The following SMC4 variants were observed in gnomAD, a reference collection of about 807,000 sequenced individuals.
SMC4 encodes structural maintenance of chromosomes protein 4.
In SMC4, 87 loss-of-function variants were observed where a neutral mutation model predicts 145.6. The observed-to-expected ratio is 0.60, with a 90% CI of 0.50 to 0.71. The LOEUF is 0.71. Ranked by LOEUF, SMC4 falls within the 30% of genes least tolerant of loss-of-function variation. SMC4 has a pLI of 0.00. For synonymous variants in SMC4, 558 were observed against 500.7 expected (o/e 1.11, Z -1.53); for missense variants, 1,447 against 1,537.1 (o/e 0.94, Z 0.98).
chr3:160,409,670 T>C (rs1295112745), intron 5 of SMC4, among the ~76,000 whole-genome samples: 1 of 152,198 alleles, frequency 6.6e-6, no homozygotes, highest in Non-Finnish European at 1.5e-5. Context: ...TTTTTCATTT[T>C]CTTAAAATAA....
chr3:160,411,199 T>C (rs569794940), intron 5 of SMC4, among the ~76,000 whole-genome samples: 3 of 152,356 alleles, frequency 2.0e-5, no homozygotes, highest in Admixed American at 1.3e-4. Context: ...AAAGTTGTTA[T>C]ATTAGTGATT....
Position 160,413,539 on chromosome 3 carries a change from A to G in SMC4, c.1047A>G (p.Lys349=), listed in dbSNP as rs1432471541. Residue 349 remains lysine, a synonymous_variant, in exon 8 of 24, where the codon AAA becomes AAG. Coordinates refer to ENST00000357388, the MANE Select transcript of SMC4 (RefSeq NM_001002800.3). ...AGGAAAAAATTCATGAAGATACCAA[A>G]GAAATTAATGAGAAGAGCAATATAC... ...TQKEKIHEDT[K]EINEKSNILS... 4 of 1,579,058 alleles carry G rather than the reference A, an allele frequency of 2.5e-6. No homozygotes were observed. The highest frequency in any genetic ancestry group is 3.4e-6 in the Non-Finnish European group (4 of 1,162,498).
intron 13 of SMC4, among the ~76,000 whole-genome samples, chr3:160,422,982 T>C (rs1717344719): frequency 6.6e-6 from 1 of 152,206 alleles, no homozygotes; most frequent in Non-Finnish European, 1.5e-5. Context: ...TTCTGGGCTT[T>C]CAGTTTTATT....
chr3:160,424,829 C>T (rs1717596937), intron 15 of SMC4, 38 bp from the exon 16 acceptor site: 2 of 1,602,868 alleles, frequency 1.2e-6, no homozygotes, highest in South Asian at 1.1e-5. Context: ...ACTTTTCTGT[C>T]AATCTGAAAT....
At position 160,417,963 on chromosome 3, in the gene SMC4, CTT is replaced by C; in HGVS notation, c.1671+9_1671+10del. On this transcript the variant is annotated splice_region_variant and intron_variant, in intron 11 of 23. Coordinates refer to ENST00000357388, the MANE Select transcript of SMC4 (RefSeq NM_001002800.3). ...TGAACAAGAATTAAAGGAGGTAAAT[CTT>C]TGCTTCTCTGTTGCATCAGAACATC... 6.3e-7 allele frequency: 1 copy of C among 1,597,382 alleles called. No homozygotes were observed. Among genetic ancestry groups the C allele is most frequent in the Non-Finnish European group, 8.6e-7 (1 of 1,168,672 alleles).
chr3:160,414,676 C>G, intron 9 of SMC4, 159 bp downstream of exon 9: 1 of 768,282 alleles, frequency 1.3e-6, no homozygotes, highest in East Asian at 2.9e-5. Context: ...CAAGGGAAAC[C>G]TTGCTTCTAC....
chr3:160,432,189 A>T, intron 21 of SMC4, 94 bp from the exon 22 acceptor site: 1 of 1,015,038 alleles, frequency 9.9e-7, no homozygotes, highest in Non-Finnish European at 1.5e-6. Flanking sequence ...GCGTCAGGGC[A>T]AGACTACGTC....
chr3:160,400,987 G>T (rs945231849), intron 2 of SMC4, 22 bp downstream of exon 2: 1 of 1,379,274 alleles, frequency 7.3e-7, no homozygotes, highest in Admixed American at 4.0e-5. Flanking sequence ...GCCGCGACTC[G>T]GCGGGAACGC....
intron 10 of SMC4, 104 bp downstream of exon 10, chr3:160,416,519 C>T (rs1351790150): frequency 1.5e-6 from 1 of 646,404 alleles, no homozygotes; most frequent in African/African-American, 1.9e-5. Context: ...TAAGTTTGGA[C>T]TTTTAATGTC....
At chr3:160,413,096 G>A (rs1437336764) in intron 7 of SMC4, among the ~76,000 whole-genome samples, 1 of 151,636 alleles carries the variant, frequency 6.6e-6, no homozygotes, top group Non-Finnish European at 1.5e-5. Context: ...CAACACACCT[G>A]GCTAATTATT....
At chr3:160,416,003 C>G (rs912536494) in intron 9 of SMC4, among the ~76,000 whole-genome samples, 1 of 152,138 alleles carries the variant, frequency 6.6e-6, no homozygotes, top group Admixed American at 6.5e-5. Flanking sequence ...ACCTGAGGCC[C>G]TGCCAGAGAC....
chr3:160,402,615 C>T (rs967479406), intron 3 of SMC4, 61 bp from the exon 4 acceptor site: 2 of 1,488,596 alleles, frequency 1.3e-6, no homozygotes, highest in Middle Eastern at 2.2e-4. Context: ...CAGTTAAAAT[C>T]AGTAGTATTA....
chr3:160,432,690 C>T (rs1394220251), intron 22 of SMC4, 175 bp downstream of exon 22: 2 of 533,400 alleles, frequency 3.7e-6, no homozygotes, highest in Admixed American at 7.2e-5. Context: ...GGGCAGACAG[C>T]CAGTATTTAC....
chr3:160,432,885 CAGAAA>C (rs1718562882), intron 22 of SMC4, 136 bp from the exon 23 acceptor site: 1 of 630,506 alleles, frequency 1.6e-6, no homozygotes. Context: ...TATAAAATAA[CAGAAA>C]AGAGAATTCA....
rs139924760 is a variant in SMC4 at position 160,404,854 on chromosome 3, T to C, written c.687+350T>C. On this transcript the variant is annotated intron_variant, in intron 5 of 23. Transcript: ENST00000357388. ...GATACAGCAACTATTTTATCAATTGTTTGTATTTCCCTTTAAGGTAACATT... is the reference window on the plus strand; with the variant it reads ...GATACAGCAACTATTTTATCAATTGCTTGTATTTCCCTTTAAGGTAACATT... 4.2e-5 allele frequency: 20 copies of C among 478,858 alleles called. No individual in the cohort carries two copies. The East Asian group carries it at 1.1e-3, about 26-fold the overall frequency. 29.7% of individuals were successfully genotyped at this position (478,858 alleles called of 1,614,324 possible). A position where few individuals can be genotyped will look rare whatever the true frequency, so the allele number is the denominator to read the frequency against.
At chr3:160,413,719 G>C in intron 8 of SMC4, 106 bp downstream of exon 8, 2 of 673,308 alleles carry the variant, frequency 3.0e-6, no homozygotes, top group Non-Finnish European at 2.3e-6. Context: ...ACATTTGCCA[G>C]CATATCAAGT....
chr3:160,425,301 C>G (rs779755730), intron 16 of SMC4, among the ~76,000 whole-genome samples: 1 of 151,994 alleles, frequency 6.6e-6, no homozygotes, highest in Non-Finnish European at 1.5e-5. Flanking sequence ...TTTTTATTCT[C>G]TTTTCAAAGT....
chr3:160,425,001 A>G lies in SMC4; in HGVS notation c.2460A>G (p.Lys820=). 1 of 1,591,824 alleles carries G rather than the reference A, an allele frequency of 6.3e-7. No homozygotes were observed. The highest frequency in any genetic ancestry group is 8.6e-7 in the Non-Finnish European group (1 of 1,167,884). ...SEREMRNTLE[K]FTASIQRLIE... is the part of the protein sequence containing the mutation. Reference sequence around the variant, plus strand: ...GAGAAATGAGGAACACACTAGAAAAATTTACTGCAAGCATCCAGGTATGTG... The same window carrying G: ...GAGAAATGAGGAACACACTAGAAAAGTTTACTGCAAGCATCCAGGTATGTG... Residue 820 remains lysine, a synonymous_variant, in exon 16 of 24, where the codon AAA becomes AAG. Coordinates refer to ENST00000357388, the MANE Select transcript of SMC4 (RefSeq NM_001002800.3).
chr3:160,434,530 A>C lies in SMC4; in HGVS notation c.*721A>C, dbSNP rs1456626506. 6.6e-6 allele frequency: 1 copy of C among 152,204 alleles called. No individual in the cohort carries two copies. The highest frequency in any genetic ancestry group is 2.4e-5 in the African/African-American group (1 of 41,454). 9.4% of individuals were successfully genotyped at this position (152,204 alleles called of 1,614,324 possible). A position where few individuals can be genotyped will look rare whatever the true frequency, so the allele number is the denominator to read the frequency against. ...TTTATCCGGGTACTAAATGCATTTCAACTTGATAGTTTCAACTTATGATAG... is the reference window on the plus strand; with the variant it reads ...TTTATCCGGGTACTAAATGCATTTCCACTTGATAGTTTCAACTTATGATAG... On this transcript the variant is annotated 3_prime_UTR_variant, in exon 24 of 24. Transcript: ENST00000357388.
Sources: allele counts gnomAD v4.1 joint callset (sites outside exome capture counted in the v4.1 genomes callset), GRCh38; gene constraint gnomAD v4.1.1; transcripts MANE v1.5; gene names NCBI Gene and HGNC (gene_info 2026-07-23, HGNC 2026-07-21).